AGO3: variants seen among roughly 807,000 people sequenced by gnomAD.
AGO3 encodes argonaute RISC catalytic component 3, also known as protein argonaute-3.
In AGO3, 16 loss-of-function variants were observed where a neutral mutation model predicts 105.5. The ratio of observed to expected loss-of-function variants is 0.15; its 90% confidence interval spans 0.10 to 0.23. The LOEUF is 0.23. AGO3 is among the 10% of genes least tolerant of loss of function. The pLI is 1.00. For missense variants in AGO3, 534 were observed against 1,088.0 expected (o/e 0.49, Z 7.16); for synonymous variants, 340 against 367.3 (o/e 0.93, Z 0.85).
intron 4 of AGO3, 79 bp from the exon 5 acceptor site, chr1:35,973,296 C>G (rs1646900575): frequency 1.3e-5 from 17 of 1,286,294 alleles, no homozygotes; most frequent in Admixed American, 2.9e-5. Context: ...GTTAATTGTG[C>G]TCTAGTCTCC....
intron 2 of AGO3, among the ~76,000 whole-genome samples, chr1:35,948,219 T>A (rs1440405035): frequency 6.7e-6 from 1 of 148,484 alleles, no homozygotes; most frequent in Non-Finnish European, 1.5e-5. Context: ...GAACAGAATT[T>A]TTTTTTTTTT....
chr1:36,001,933 A>G (rs980002293), intron 5 of AGO3, among the ~76,000 whole-genome samples: 4 of 152,182 alleles, frequency 2.6e-5, no homozygotes, highest in Non-Finnish European at 5.9e-5. Context: ...TATTTGTGTA[A>G]TAAAGAAGTA....
chr1:35,985,843 C>T (rs1047061141), intron 5 of AGO3, among the ~76,000 whole-genome samples: 2 of 152,060 alleles, frequency 1.3e-5, no homozygotes, highest in African/African-American at 4.8e-5. Flanking sequence ...ATTTGTAACT[C>T]ATATAACTGA....
At position 35,931,202 on chromosome 1, in the gene AGO3, C is replaced by G. The variant is rs1219888303; in HGVS notation, c.-225C>G. The G allele has an allele frequency of 4.9e-6, 2 of 404,426 alleles. No individual in the cohort carries two copies. Among genetic ancestry groups the G allele is most frequent in the East Asian group, 3.6e-5 (1 of 28,056 alleles). 25.1% of individuals were successfully genotyped at this position (404,426 alleles called of 1,614,324 possible). On this transcript the variant is annotated 5_prime_UTR_variant, in exon 1 of 19. Coordinates refer to ENST00000373191, the MANE Select transcript of AGO3 (RefSeq NM_024852.4). ...GGACGGGACTCCCCTCTGTCCGCGC[C>G]TCACATCTCCCCTTCCTCTCGCCTA...
chr1:35,970,786 T>C (rs1646853241), intron 3 of AGO3, among the ~76,000 whole-genome samples: 1 of 151,634 alleles, frequency 6.6e-6, no homozygotes, highest in Non-Finnish European at 1.5e-5. Flanking sequence ...CTGGAGTTCA[T>C]TGGCACACTC....
At chr1:35,965,002 G>A (rs1259789116) in intron 2 of AGO3, among the ~76,000 whole-genome samples, 1 of 151,412 alleles carries the variant, frequency 6.6e-6, no homozygotes, top group Non-Finnish European at 1.5e-5. Context: ...TTAAGTTAAA[G>A]CAGGATATTT....
chr1:36,040,202 G>C, intron 15 of AGO3, 105 bp from the exon 16 acceptor site: 1 of 1,302,816 alleles, frequency 7.7e-7, no homozygotes, highest in Non-Finnish European at 1.1e-6. Flanking sequence ...ATTAGCTATA[G>C]AGTGGTGAAA....
chr1:36,014,764 C>CT (rs1246043596), intron 11 of AGO3, among the ~76,000 whole-genome samples: 2 of 127,708 alleles, frequency 1.6e-5, no homozygotes, highest in Admixed American at 1.9e-4. Flanking sequence ...GAGTGAGACT[C>CT]TGTCTCCAAA....
intron 1 of AGO3, among the ~76,000 whole-genome samples, chr1:35,943,514 T>C (rs1646296405): frequency 6.6e-6 from 1 of 151,880 alleles, no homozygotes. Context: ...TTGGCCAGGC[T>C]GGTCTTGAAC....
At chr1:36,011,788 G>A (rs910274816) in intron 9 of AGO3, among the ~76,000 whole-genome samples, 3 of 152,062 alleles carry the variant, frequency 2.0e-5, no homozygotes, top group East Asian at 3.8e-4. Flanking sequence ...TTAGCTGTGC[G>A]GTTTTTGGCA....
In AGO3 at chr1:36,008,199, CCTG is replaced by C. The variant is rs2148813242; in HGVS notation, c.794-488_794-486del. On this transcript the variant is annotated intron_variant, in intron 6 of 18. Coordinates refer to ENST00000373191, the MANE Select transcript of AGO3 (RefSeq NM_024852.4). This position sits in a 1 kb window ranked among gnomAD's most constrained non-coding sequence, Gnocchi z 5.1. ...TTAAAAATGCCTGGAATTTTTTTCT[CCTG>C]CTTTATAAATCTTTAAAGGACTTCT... 6.6e-6 allele frequency among the ~76,000 whole-genome samples: 1 copy of C among 152,182 alleles called. No homozygotes were observed. Among genetic ancestry groups the C allele is most frequent in the South Asian group, 2.1e-4 (1 of 4,822 alleles).
In AGO3 at chr1:36,055,562, A is replaced by G; in HGVS notation, c.2475-75A>G. On this transcript the variant is annotated intron_variant, in intron 18 of 18. Coordinates refer to ENST00000373191, the MANE Select transcript of AGO3 (RefSeq NM_024852.4). The surrounding 1 kb of genome is among the most constrained non-coding windows in gnomAD (Gnocchi z 4.4). Reference sequence around the variant, plus strand: ...GTTAATAATTTTGAAATTTTCTACAACAAATAGTATTTTTCGGAATTATTA... The same window carrying G: ...GTTAATAATTTTGAAATTTTCTACAGCAAATAGTATTTTTCGGAATTATTA... 2 of 1,384,974 alleles carry G rather than the reference A, an allele frequency of 1.4e-6. No homozygotes were observed. The highest frequency in any genetic ancestry group is 3.5e-5 in the Admixed American group (2 of 56,978). 85.8% of individuals were successfully genotyped at this position (1,384,974 alleles called of 1,614,324 possible). A position where few individuals can be genotyped will look rare whatever the true frequency, so the allele number is the denominator to read the frequency against.
At chr1:36,016,327 C>T (rs1053799910) in intron 11 of AGO3, among the ~76,000 whole-genome samples, 1 of 152,078 alleles carries the variant, frequency 6.6e-6, no homozygotes, top group Non-Finnish European at 1.5e-5. Flanking sequence ...GACTACAGGC[C>T]TGCACTACTA....
intron 2 of AGO3, among the ~76,000 whole-genome samples, chr1:35,956,946 G>A (rs1459768973): frequency 1.3e-5 from 2 of 151,952 alleles, no homozygotes; most frequent in Non-Finnish European, 2.9e-5. Context: ...ACTGCACCTG[G>A]CCTTAAGGAT....
At chr1:35,981,894 T>G (rs1647059543) in intron 5 of AGO3, among the ~76,000 whole-genome samples, 1 of 152,246 alleles carries the variant, frequency 6.6e-6, no homozygotes, top group South Asian at 2.1e-4. Context: ...TTCTTGTCAT[T>G]CTCTCATGCT....
chr1:36,043,200 A>G (rs1275183943), intron 16 of AGO3: 1 of 392,634 alleles, frequency 2.5e-6, no homozygotes, highest in Non-Finnish European at 4.5e-6. Flanking sequence ...TAGTGGGGTC[A>G]ACTATCAGCT....
At chr1:35,985,763 C>T (rs544216365) in intron 5 of AGO3, among the ~76,000 whole-genome samples, 1 of 152,220 alleles carries the variant, frequency 6.6e-6, no homozygotes, top group Admixed American at 6.5e-5. Flanking sequence ...AAGGAAAATA[C>T]TGATAAACTT....
At chr1:35,999,864 A>G (rs149330711) in intron 5 of AGO3, among the ~76,000 whole-genome samples, 2 of 151,940 alleles carry the variant, frequency 1.3e-5, no homozygotes, top group South Asian at 2.1e-4. Flanking sequence ...TTGCTTTGCT[A>G]TGCTAGCTAG....
rs1280488483 is a variant in AGO3, at chr1:36,058,251, GA to G, written c.*2508del. 1 of 152,140 alleles carries G rather than the reference GA, an allele frequency of 6.6e-6. No individual in the cohort carries two copies. Among genetic ancestry groups the G allele is most frequent in the Admixed American group, 6.6e-5 (1 of 15,266 alleles). The allele number at this position is 152,140 out of a possible 1,614,324, so 9.4% of individuals were successfully genotyped here. Reference sequence around the variant, plus strand: ...TAAAATTAAGGTGATAGTAACAAAGGAAGTTAGGACTTTGATCATTTTAAAT... The same window carrying G: ...TAAAATTAAGGTGATAGTAACAAAGGAGTTAGGACTTTGATCATTTTAAAT... On this transcript the variant is annotated 3_prime_UTR_variant, in exon 19 of 19. Coordinates refer to ENST00000373191, the MANE Select transcript of AGO3 (RefSeq NM_024852.4).
Sources: gnomAD v4.1 joint callset for allele counts (sites outside exome capture counted in the v4.1 genomes callset) on GRCh38, gnomAD v4.1.1 for gene constraint, Gnocchi (gnomAD v3.1) non-coding constraint, MANE v1.5 for transcripts, NCBI Gene and HGNC (gene_info 2026-07-23, HGNC 2026-07-21) for gene names.